OVCH1: variants seen among roughly 807,000 people sequenced by gnomAD.
OVCH1 encodes the protein ovochymase 1.
OVCH1 carries 139 observed loss-of-function variants against 138.4 expected under a neutral mutation model. That is an observed-to-expected ratio of 1.00 (90% CI 0.87 to 1.16). The LOEUF is 1.16. Ranked by LOEUF, OVCH1 falls within the 50% of genes most tolerant of loss-of-function variation. The pLI is 0.00. For missense variants in OVCH1, 1,367 were observed against 1,357.9 expected (o/e 1.01, Z -0.11); for synonymous variants, 453 against 467.8 (o/e 0.97, Z 0.41).
chr12:29,429,290 G>T (rs1029538959), intron 27 of OVCH1, among the ~76,000 whole-genome samples: 2 of 152,176 alleles, frequency 1.3e-5, no homozygotes, highest in Non-Finnish European at 2.9e-5. Context: ...ATGGTTAAAT[G>T]AGATAGGAAT....
chr12:29,461,734 G>C, intron 19 of OVCH1, 120 bp downstream of exon 19: 1 of 1,222,424 alleles, frequency 8.2e-7, no homozygotes, highest in South Asian at 1.3e-5. Flanking sequence ...CTTCATGCAG[G>C]GATATGATAT....
downstream of OVCH1, among the ~76,000 whole-genome samples, chr12:29,407,999 G>A (rs1244902371): frequency 7.1e-6 from 1 of 141,132 alleles, no homozygotes. Flanking sequence ...GTGGTTTGTA[G>A]TTCTCCTTGA....
intron 27 of OVCH1, among the ~76,000 whole-genome samples, chr12:29,432,167 A>T (rs568364816): frequency 2.0e-5 from 3 of 152,324 alleles, no homozygotes; most frequent in South Asian, 4.1e-4. Flanking sequence ...CAAGAGCCAG[A>T]TCCTATAGCA....
chr12:29,449,395 G>A (rs567726192), intron 22 of OVCH1, among the ~76,000 whole-genome samples: 1 of 151,428 alleles, frequency 6.6e-6, no homozygotes, highest in African/African-American at 2.4e-5. Flanking sequence ...CTAATTCTGT[G>A]AAGAAAGCCG....
chr12:29,487,590 C>T (rs1193078600), intron 7 of OVCH1, 103 bp downstream of exon 7: 11 of 1,144,716 alleles, frequency 9.6e-6, no homozygotes, highest in African/African-American at 3.1e-5. Context: ...TAAAACCAGC[C>T]TCATTCTTGC....
chr12:29,495,718 G>C (rs370169277), intron 3 of OVCH1, among the ~76,000 whole-genome samples: 3 of 151,976 alleles, frequency 2.0e-5, no homozygotes, highest in Non-Finnish European at 4.4e-5. Flanking sequence ...ACAAACCATA[G>C]TTCACACATG....
rs1417178215 is a variant in OVCH1 at position 29,478,855 on chromosome 12, G to C, written c.1049C>G (p.Ser350Ter). 2.5e-6 allele frequency: 4 copies of C among 1,590,182 alleles called. No individual in the cohort carries two copies. Among genetic ancestry groups the C allele is most frequent in the Non-Finnish European group, 3.4e-6 (4 of 1,169,540 alleles). The stretch of plus-strand genomic sequence containing the variant: ...CTTACTAAAAAGCACTCCACTGCTT[G>C]ATCGTAAAGATACATAGTCATGATC... Residue 350 changes from serine to a stop codon, truncating the protein, a stop_gained, in exon 9 of 28, where the codon TCA (serine) becomes TGA (stop). Coordinates refer to ENST00000318184, the Ensembl canonical transcript of OVCH1. LOFTEE classifies it high-confidence loss of function.
chr12:29,447,430 G>A (rs1188134430), intron 22 of OVCH1, among the ~76,000 whole-genome samples: 1 of 152,134 alleles, frequency 6.6e-6, no homozygotes. Context: ...TAATGGCAGT[G>A]AAAATTAAGT....
intron 6 of OVCH1, 43 bp from the exon 7 acceptor site, chr12:29,487,925 G>A (rs1241921913): frequency 2.6e-6 from 4 of 1,529,170 alleles, no homozygotes; most frequent in Admixed American, 4.1e-5. Flanking sequence ...AATAGCCACA[G>A]TGTAAAATAT....
intron 19 of OVCH1, 101 bp downstream of exon 19, chr12:29,461,753 G>T: frequency 2.1e-6 from 3 of 1,415,052 alleles, no homozygotes; most frequent in Non-Finnish European, 3.0e-6. Flanking sequence ...ATTGAAGCAC[G>T]TGACAAGTTG....
At chr12:29,471,128 A>G (rs528068226) in intron 16 of OVCH1, among the ~76,000 whole-genome samples, 62 of 152,270 alleles carry the variant, frequency 4.1e-4, no homozygotes, top group Admixed American at 8.5e-4. Flanking sequence ...GGGGTCTCGA[A>G]AGGTGAGTAT....
the OVCH1 span, among the ~76,000 whole-genome samples, chr12:29,403,974 T>A: frequency 1.3e-5 from 2 of 152,280 alleles, no homozygotes; most frequent in Admixed American, 6.5e-5. Context: ...CCAGGAGGCA[T>A]GAAACAACAT....
intron 26 of OVCH1, among the ~76,000 whole-genome samples, chr12:29,435,606 G>C (rs12313352): frequency 6.6e-6 from 1 of 152,064 alleles, no homozygotes; most frequent in Non-Finnish European, 1.5e-5. Flanking sequence ...CGCCCACCTC[G>C]GCCTCCCAAA....
chr12:29,414,615 C>T (rs902711161), intron 3 of OVCH1, among the ~76,000 whole-genome samples: 1 of 152,162 alleles, frequency 6.6e-6, no homozygotes, highest in Admixed American at 6.5e-5. Flanking sequence ...GATGTATCAA[C>T]TTACAGTCCA....
At chr12:29,426,587 C>CT (rs1318210450), downstream of OVCH1, among the ~76,000 whole-genome samples, 1 of 152,180 alleles carries the variant, frequency 6.6e-6, no homozygotes, top group African/African-American at 2.4e-5. Flanking sequence ...CTCTATAAAT[C>CT]TTTTTCTCCC....
exon 6 of OVCH1, chr12:29,489,770 T>A: frequency 6.2e-7 from 1 of 1,608,922 alleles, no homozygotes; most frequent in East Asian, 2.2e-5. Flanking sequence ...AATATTCTGA[T>A]GCTGTAGAGA....
chr12:29,471,127 A>G (rs193148823), intron 16 of OVCH1, among the ~76,000 whole-genome samples: 142 of 152,238 alleles, frequency 9.3e-4, no homozygotes, highest in Non-Finnish European at 1.8e-3. Context: ...AGGGGTCTCG[A>G]AAGGTGAGTA....
intron 16 of OVCH1, among the ~76,000 whole-genome samples, chr12:29,470,907 C>T (rs565705482): frequency 6.6e-6 from 1 of 152,228 alleles, no homozygotes; most frequent in Admixed American, 6.5e-5. Flanking sequence ...TAATAATCAC[C>T]ATTCTGATGG....
intron 27 of OVCH1, among the ~76,000 whole-genome samples, chr12:29,431,420 G>A (rs1941265366): frequency 6.6e-6 from 1 of 151,958 alleles, no homozygotes; most frequent in Non-Finnish European, 1.5e-5. Flanking sequence ...CCTGAACAGA[G>A]CAAGACCCTG....
Sources: allele counts gnomAD v4.1 joint callset (sites outside exome capture counted in the v4.1 genomes callset), GRCh38; gene constraint gnomAD v4.1.1; transcripts MANE v1.5; gene names NCBI Gene and HGNC (gene_info 2026-07-23, HGNC 2026-07-21).